Variants in TRPM3 observed in about 807,000 individuals in gnomAD.
TRPM3 encodes transient receptor potential cation channel subfamily M member 3.
In TRPM3, 77 loss-of-function variants were observed where a neutral mutation model predicts 181.2. The ratio of observed to expected loss-of-function variants is 0.42; its 90% CI spans 0.35 to 0.51. The LOEUF is 0.51. Ranked by LOEUF, TRPM3 falls within the 20% of genes least tolerant of loss-of-function variation. TRPM3 has a pLI of 0.01. For missense variants in TRPM3, 1,759 were observed against 2,196.7 expected (o/e 0.80, Z 3.98); for synonymous variants, 745 against 796.4 (o/e 0.94, Z 1.09).
chr9:70,766,385 A>G (rs1381294722), intron 7 of TRPM3, among the ~76,000 whole-genome samples: 1 of 152,168 alleles, frequency 6.6e-6, no homozygotes, highest in Non-Finnish European at 1.5e-5. Context: ...TTAGAATTCA[A>G]TGGGAATCTA....
intron 1 of TRPM3, among the ~76,000 whole-genome samples, chr9:71,185,093 C>G (rs2077601100): frequency 6.6e-6 from 1 of 152,054 alleles, no homozygotes; most frequent in African/African-American, 2.4e-5. Context: ...AACCAAGTGT[C>G]TTTTCAAAGA....
At chr9:71,126,637 A>T (rs1286364045) in intron 1 of TRPM3, among the ~76,000 whole-genome samples, 1 of 152,162 alleles carries the variant, frequency 6.6e-6, no homozygotes, top group East Asian at 1.9e-4. Context: ...TAGATAATAG[A>T]TTCTAAAATA....
intron 1 of TRPM3, among the ~76,000 whole-genome samples, chr9:71,108,055 A>T (rs751919083): frequency 3.3e-5 from 5 of 152,196 alleles, no homozygotes; most frequent in Admixed American, 6.6e-5. Context: ...CTGCCATCTT[A>T]GGGTGGAACT....
At chr9:70,587,191 A>G (rs1465667374) in intron 22 of TRPM3, among the ~76,000 whole-genome samples, 2 of 152,198 alleles carry the variant, frequency 1.3e-5, no homozygotes, top group Non-Finnish European at 2.9e-5. Flanking sequence ...GGAAAGGGCT[A>G]GATAATATTA....
At chr9:71,265,842 C>T (rs568692153) in intron 1 of TRPM3, among the ~76,000 whole-genome samples, 125 of 152,352 alleles carry the variant, frequency 8.2e-4, no homozygotes, top group Non-Finnish European at 1.4e-3. Context: ...TATTCTTTCT[C>T]TCACCTCTTT....
intron 1 of TRPM3, among the ~76,000 whole-genome samples, chr9:71,380,991 T>C (rs781006670): frequency 6.6e-6 from 1 of 151,324 alleles, no homozygotes; most frequent in Non-Finnish European, 1.5e-5. Flanking sequence ...CTGTATCCAC[T>C]GGAAGGATAC....
At position 70,881,070 on chromosome 9, in the gene TRPM3, C is replaced by G. The variant is rs537517535; in HGVS notation, c.178-16559G>C. Reference sequence around the variant, plus strand: ...TGGATTCTTTTTTTAAAATGACTTACAAGTTTTTGTTAAATTTTTTTTAAC... The same window carrying G: ...TGGATTCTTTTTTTAAAATGACTTAGAAGTTTTTGTTAAATTTTTTTTAAC... On this transcript the variant is annotated intron_variant, in intron 1 of 25. Coordinates refer to ENST00000677713, the MANE Select transcript of TRPM3 (RefSeq NM_001366145.2). Among the ~76,000 whole-genome samples the G allele has an allele frequency of 3.9e-5, 6 of 152,102 alleles. No homozygotes were observed. In the South Asian group the frequency reaches 1.2e-3, roughly 32 times the overall value.
At chr9:71,230,090 A>G (rs977854434) in intron 1 of TRPM3, among the ~76,000 whole-genome samples, 1 of 152,136 alleles carries the variant, frequency 6.6e-6, no homozygotes, top group African/African-American at 2.4e-5. Context: ...GTATTATTAT[A>G]CAATGGAGGC....
chr9:71,035,806 C>T lies in TRPM3; in HGVS notation c.177+85372G>A, dbSNP rs139389570. ...CTGGGACTTGCTGTAGTAAGGACCT[C>T]TCAGAAAAATTTCACAGTTACTACC... is the stretch of plus-strand genomic sequence containing the variant. On this transcript the variant is annotated intron_variant, in intron 1 of 25. Coordinates refer to ENST00000677713, the MANE Select transcript of TRPM3 (RefSeq NM_001366145.2). Among the ~76,000 whole-genome samples, 753 of 152,176 alleles carry T rather than the reference C, an allele frequency of 4.9e-3. 18 individuals are homozygous for T. The East Asian group carries it at 0.078, about 16-fold the overall frequency.
chr9:70,917,156 T>A, intron 1 of TRPM3: 1 of 1,605,920 alleles, frequency 6.2e-7, no homozygotes. Context: ...TGGGGCATAC[T>A]GGTCCAGTTC....
At chr9:70,883,981 T>C (rs1030438201) in intron 1 of TRPM3, among the ~76,000 whole-genome samples, 1 of 152,168 alleles carries the variant, frequency 6.6e-6, no homozygotes, top group South Asian at 2.1e-4. Flanking sequence ...AGGAGTTATT[T>C]TGCATTTGGA....
chr9:71,103,152 C>T lies in TRPM3; in HGVS notation c.177+18026G>A, dbSNP rs138222657. Among the ~76,000 whole-genome samples, 49 of 152,052 alleles carry T rather than the reference C, an allele frequency of 3.2e-4. No homozygotes were observed. In the East Asian group the frequency reaches 8.5e-3, roughly 26 times the overall value. The stretch of plus-strand genomic sequence containing the variant: ...AGTCACTGTGGTCATTTTAAAAGGC[C>T]CATCCTCAATAAATTACATGCTGAA... On this transcript the variant is annotated intron_variant, in intron 1 of 25. Coordinates refer to ENST00000677713, the MANE Select transcript of TRPM3 (RefSeq NM_001366145.2).
In TRPM3 at chr9:70,616,010, C is replaced by T; in HGVS notation, c.2424G>A (p.Met808Ile). The T allele has an allele frequency of 1.2e-6, 2 of 1,612,156 alleles. No homozygotes were observed. Among genetic ancestry groups the T allele is most frequent in the South Asian group, 1.1e-5 (1 of 90,624 alleles). Reference sequence around the variant, plus strand: ...TTTCCTGGGCCTGAGACATATAGGGCATGTCGTCTTTGTTCTTGAACTCCA... The same window carrying T: ...TTTCCTGGGCCTGAGACATATAGGGTATGTCGTCTTTGTTCTTGAACTCCA... Reference protein sequence around the residue: ...LSLEFKNKDDMPYMSQAQEIH... With the variant: ...LSLEFKNKDDIPYMSQAQEIH... The change falls in exon 18 of 26, where the codon ATG (methionine) becomes ATA (isoleucine). Residue 808 changes from methionine (M) to isoleucine (I), a missense_variant. Transcript: ENST00000677713.
intron 1 of TRPM3, among the ~76,000 whole-genome samples, chr9:70,911,989 G>C (rs754470787): frequency 3.9e-5 from 6 of 152,148 alleles, no homozygotes; most frequent in Non-Finnish European, 7.3e-5. Flanking sequence ...AATGAGGATT[G>C]AGGGCCTGGA....
At chr9:70,628,818 T>TAAAAAAAAAA (rs10699305) in intron 12 of TRPM3, among the ~76,000 whole-genome samples, 15 of 89,534 alleles carry the variant, frequency 1.7e-4, no homozygotes, top group African/African-American at 4.7e-4. Context: ...GACTCTGTCT[T>TAAAAAAAAAA]AAAAAAAAAA....
intron 22 of TRPM3, among the ~76,000 whole-genome samples, chr9:70,585,144 G>T (rs2056842039): frequency 6.6e-6 from 1 of 152,158 alleles, no homozygotes; most frequent in South Asian, 2.1e-4. Context: ...TTGTCCTGTT[G>T]CTGATTTACT....
In TRPM3 at chr9:70,536,841, A is replaced by G. The variant is rs2041895584; in HGVS notation, c.4272T>C (p.Cys1424=). ...IYVSAMDELH[C]DIDPLDNSVN... The stretch of plus-strand genomic sequence containing the variant: ...CGGAATTGTCCAGAGGGTCTATATC[A>G]CAGTGGAGCTCATCCATAGCAGAGA... The change falls in exon 26 of 26, where the codon TGT becomes TGC. Residue 1424 remains cysteine (C), a synonymous_variant. Transcript: ENST00000677713. 1.2e-6 allele frequency: 2 copies of G among 1,614,128 alleles called. No homozygotes were observed. The highest frequency in any genetic ancestry group is 1.6e-4 in the Middle Eastern group (1 of 6,062).
At chr9:71,213,569 A>G (rs1470810888) in intron 1 of TRPM3, among the ~76,000 whole-genome samples, 1 of 152,212 alleles carries the variant, frequency 6.6e-6, no homozygotes, top group African/African-American at 2.4e-5. Flanking sequence ...AGAAATGGAA[A>G]ACATCAGTAC....
chr9:70,823,276 C>A (rs1254469896), intron 6 of TRPM3, among the ~76,000 whole-genome samples: 2 of 152,172 alleles, frequency 1.3e-5, no homozygotes, highest in Non-Finnish European at 2.9e-5. Flanking sequence ...TGTTTTTAAT[C>A]TTGCTCTCTA....
Sources: allele counts gnomAD v4.1 joint callset (sites outside exome capture counted in the v4.1 genomes callset), GRCh38; gene constraint gnomAD v4.1.1; transcripts MANE v1.5; gene names NCBI Gene and HGNC (gene_info 2026-07-23, HGNC 2026-07-21).